Variants in PSTPIP1 observed in about 807,000 individuals in gnomAD.
The protein encoded by PSTPIP1 is proline-serine-threonine phosphatase interacting protein 1.
Under a neutral mutation model 69.6 loss-of-function variants are expected in PSTPIP1, and 66 were observed. That is an observed-to-expected ratio of 0.95 (90% CI 0.78 to 1.16). PSTPIP1 has a LOEUF of 1.16. PSTPIP1 is among the 50% of genes most tolerant of loss of function. The pLI, the probability that PSTPIP1 is intolerant of heterozygous loss-of-function variation, is 0.00. For missense variants in PSTPIP1, 603 were observed against 557.4 expected, an observed-to-expected ratio of 1.08 and a Z score of -0.82; for synonymous variants, 266 against 222.7, an observed-to-expected ratio of 1.19 and a Z score of -1.73.
intron 7 of PSTPIP1, 77 bp downstream of exon 7, chr15:77,028,729 C>A: frequency 8.1e-7 from 1 of 1,230,090 alleles, no homozygotes; most frequent in Non-Finnish European, 1.1e-6. Context: ...GTGCCGTAGA[C>A]ACCCCCAGGC....
At chr15:77,006,661 T>C (rs554623274) in intron 1 of PSTPIP1, among the ~76,000 whole-genome samples, 3 of 152,344 alleles carry the variant, frequency 2.0e-5, no homozygotes, top group Non-Finnish European at 4.4e-5. Flanking sequence ...TTCTTTTGCA[T>C]GTGGATATCC....
chr15:77,035,736 C>A, intron 13 of PSTPIP1, 66 bp from the exon 14 acceptor site: 1 of 1,531,904 alleles, frequency 6.5e-7, no homozygotes, highest in Non-Finnish European at 8.7e-7. Flanking sequence ...AAACCCCATT[C>A]TAGTAGGACT....
intron 1 of PSTPIP1, among the ~76,000 whole-genome samples, chr15:77,011,422 C>T (rs1018663763): frequency 2.0e-5 from 3 of 152,238 alleles, no homozygotes; most frequent in Non-Finnish European, 2.9e-5. Context: ...CTGGGCTGCT[C>T]AGGTGAGGGG....
At chr15:77,026,075 G>T (rs1262809006) in intron 5 of PSTPIP1, 1 of 456,596 alleles carries the variant, frequency 2.2e-6, no homozygotes, top group Admixed American at 2.3e-5. Flanking sequence ...GAGTTGTATG[G>T]CATTGCTTAG....
intron 3 of PSTPIP1, among the ~76,000 whole-genome samples, chr15:77,019,791 G>A (rs1262128131): frequency 6.6e-6 from 1 of 152,220 alleles, no homozygotes; most frequent in Non-Finnish European, 1.5e-5. Flanking sequence ...CTCAGGACAT[G>A]GTGAGGAGTG....
intron 11 of PSTPIP1, chr15:77,032,632 G>T: frequency 1.6e-6 from 1 of 617,312 alleles, no homozygotes; most frequent in Non-Finnish European, 2.9e-6. Context: ...GAGGTGAGGA[G>T]CTCCCACGGC....
chr15:77,006,784 T>G (rs1695064485), intron 1 of PSTPIP1, among the ~76,000 whole-genome samples: 1 of 152,234 alleles, frequency 6.6e-6, no homozygotes, highest in Non-Finnish European at 1.5e-5. Flanking sequence ...GAGCTCACTA[T>G]TTCCATTCTA....
intron 1 of PSTPIP1, chr15:77,016,092 A>T (rs2076046871): frequency 2.2e-6 from 1 of 455,940 alleles, no homozygotes; most frequent in African/African-American, 2.0e-5. Context: ...GCTGGGCTCC[A>T]GGTGGCCTCT....
At position 76,995,335 on chromosome 15, in the gene PSTPIP1, C is replaced by G; in HGVS notation, c.-239C>G. 1 of 1,416,690 alleles carries G rather than the reference C, an allele frequency of 7.1e-7. No homozygotes were observed. The allele number at this position is 1,416,690 out of a possible 1,614,324, so 87.8% of individuals were successfully genotyped here. A position where few individuals can be genotyped will look rare whatever the true frequency, so the allele number is the denominator to read the frequency against. On this transcript the variant is annotated 5_prime_UTR_variant, in exon 1 of 15. Coordinates refer to ENST00000558012, the MANE Select transcript of PSTPIP1 (RefSeq NM_003978.5). The stretch of plus-strand genomic sequence containing the variant: ...GGGCCCGCCCTCCCATCACTGAGCT[C>G]CACTCCTTCCTCATTTTGCTGCTGA...
rs751889307 is a variant in PSTPIP1, at chr15:77,035,810, G to T, written c.994G>T (p.Glu332Ter). ...TCTCACCCTGCTCTTAGCGTCCACA[G>T]AGACCCTGACCCCCACCCCCGAGCG... ...TSLAASAAST[E>*]TLTPTPERNE... The change falls in exon 14 of 15, where the codon GAG becomes TAG. Residue 332 changes from glutamate to a stop codon, truncating the protein, a stop_gained. Coordinates refer to ENST00000558012, the MANE Select transcript of PSTPIP1 (RefSeq NM_003978.5). LOFTEE classifies it high-confidence loss of function. 1.9e-6 allele frequency: 3 copies of T among 1,607,808 alleles called. No homozygotes were observed. Among genetic ancestry groups the T allele is most frequent in the Non-Finnish European group, 2.5e-6 (3 of 1,179,482 alleles).
chr15:77,033,745 C>T (rs1237546429), intron 12 of PSTPIP1, among the ~76,000 whole-genome samples: 1 of 152,114 alleles, frequency 6.6e-6, no homozygotes, highest in African/African-American at 2.4e-5. Context: ...CAGCTCATTC[C>T]AGGGCCTCAG....
chr15:77,001,526 C>T (rs2075707603), intron 1 of PSTPIP1, among the ~76,000 whole-genome samples: 1 of 152,250 alleles, frequency 6.6e-6, no homozygotes, highest in South Asian at 2.1e-4. Flanking sequence ...AGGAGTGGCC[C>T]TGGTGCACTC....
In PSTPIP1 at chr15:77,035,825, A is replaced by AC; in HGVS notation, c.1014dup (p.Glu339ArgfsTer4). 2 of 1,608,738 alleles carry AC rather than the reference A, an allele frequency of 1.2e-6. No individual in the cohort carries two copies. The highest frequency in any genetic ancestry group is 1.7e-6 in the Non-Finnish European group (2 of 1,179,374). Reference sequence around the variant, plus strand: ...AGCGTCCACAGAGACCCTGACCCCCACCCCCGAGCGGAATGAGGGTGTCTA... The same window carrying AC: ...AGCGTCCACAGAGACCCTGACCCCCACCCCCCGAGCGGAATGAGGGTGTCTA... On this transcript the variant is annotated frameshift_variant, in exon 14 of 15. Coordinates refer to ENST00000558012, the MANE Select transcript of PSTPIP1 (RefSeq NM_003978.5). LOFTEE classifies it high-confidence loss of function.
rs776337082 is a variant in PSTPIP1, at chr15:77,032,846, G to T, written c.839-16G>T. 1.9e-6 allele frequency: 3 copies of T among 1,556,178 alleles called. No individual in the cohort carries two copies. The highest frequency in any genetic ancestry group is 3.8e-5 in the Admixed American group (2 of 52,686). On this transcript the variant is annotated splice_polypyrimidine_tract_variant and intron_variant, in intron 11 of 14. Coordinates refer to ENST00000558012, the MANE Select transcript of PSTPIP1 (RefSeq NM_003978.5). ...TGTTGGGGGCCGCCCTGGGGCTCACGGCTTGCTGTCTGCAGCTCCGGTGCC... is the reference window on the plus strand; with the variant it reads ...TGTTGGGGGCCGCCCTGGGGCTCACTGCTTGCTGTCTGCAGCTCCGGTGCC...
intron 1 of PSTPIP1, chr15:77,015,835 T>C: frequency 2.3e-6 from 1 of 441,938 alleles, no homozygotes; most frequent in South Asian, 1.6e-5. Context: ...TCCCAGTCCT[T>C]GTGACAGTAG....
At chr15:76,994,704 C>A (rs937847202), upstream of PSTPIP1, 1 of 1,252,596 alleles carries the variant, frequency 8.0e-7, no homozygotes, top group Non-Finnish European at 1.0e-6. Flanking sequence ...TGCTCACAGC[C>A]CCCCAGAGCA....
chr15:77,027,991 C>T lies in PSTPIP1; in HGVS notation c.417+77C>T. 1.5e-6 allele frequency: 2 copies of T among 1,321,158 alleles called. No homozygotes were observed. Among genetic ancestry groups the T allele is most frequent in the African/African-American group, 1.5e-5 (1 of 68,310 alleles). The allele number at this position is 1,321,158 out of a possible 1,614,324, so 81.8% of individuals were successfully genotyped here. On this transcript the variant is annotated intron_variant, in intron 6 of 14. Transcript: ENST00000558012. This position sits in a 1 kb window ranked among gnomAD's most constrained non-coding sequence, Gnocchi z 4.3. ...CTCAGGGTGCGATCCTGGGCTGTGG[C>T]CCCGGGCAGGGCATTTGGAACAGGC...
At chr15:77,005,503 T>G (rs1190244872) in intron 1 of PSTPIP1, among the ~76,000 whole-genome samples, 3 of 152,194 alleles carry the variant, frequency 2.0e-5, no homozygotes, top group East Asian at 1.9e-4. Context: ...GTTTTGGGGG[T>G]GGTGGTAATT....
chr15:77,037,347 G>T lies in PSTPIP1; in HGVS notation c.*171G>T, dbSNP rs2076606600. On this transcript the variant is annotated 3_prime_UTR_variant, in exon 15 of 15. Coordinates refer to ENST00000558012, the MANE Select transcript of PSTPIP1 (RefSeq NM_003978.5). ...GTTCTGTTCTCCTTGGTGTGCTGGG[G>T]TCCCGTTCTCTTTTTCTCCTGCTCC... 7 of 864,238 alleles carry T rather than the reference G, an allele frequency of 8.1e-6. No homozygotes were observed. The South Asian group carries it at 1.3e-4, about 16-fold the overall frequency. The allele number at this position is 864,238 out of a possible 1,614,324, so 53.5% of individuals were successfully genotyped here.
Sources: allele counts gnomAD v4.1 joint callset (sites outside exome capture counted in the v4.1 genomes callset), GRCh38; gene constraint gnomAD v4.1.1; non-coding constraint Gnocchi (gnomAD v3.1); transcripts MANE v1.5; gene names NCBI Gene and HGNC (gene_info 2026-07-23, HGNC 2026-07-21).